The following DDOST variants were observed in gnomAD, a reference collection of about 807,000 sequenced individuals.
The protein encoded by DDOST is dolichyl-diphosphooligosaccharide--protein glycosyltransferase non-catalytic subunit, also known as dolichyl-diphosphooligosaccharide--protein glycosyltransferase 48 kDa subunit.
Under a neutral mutation model 47.6 loss-of-function variants are expected in DDOST, and 25 were observed. The ratio of observed to expected loss-of-function variants is 0.53; its 90% confidence interval spans 0.38 to 0.73. The LOEUF (loss-of-function observed/expected upper bound fraction) is 0.73, where lower values mean the gene tolerates loss of function less well. Among genes scored for constraint, DDOST ranks in the 30% least tolerant of loss-of-function variants. The pLI is 0.00. For synonymous variants in DDOST, 275 were observed against 236.0 expected (o/e 1.17, Z -1.51); for missense variants, 526 against 573.9 (o/e 0.92, Z 0.85).
At chr1:20,653,551 T>A in intron 8 of DDOST, 76 bp downstream of exon 8, 4 of 1,436,836 alleles carry the variant, frequency 2.8e-6, no homozygotes, top group Non-Finnish European at 2.8e-6. Context: ...CAAAGAAGTG[T>A]TCAATAAGTG....
chr1:20,660,843 C>T, intron 2 of DDOST, 38 bp downstream of exon 2: 2 of 1,252,232 alleles, frequency 1.6e-6, no homozygotes, highest in Non-Finnish European at 2.3e-6. Context: ...AGTCCCGGGT[C>T]TCGAATTCCA....
At chr1:20,661,117 G>A in intron 1 of DDOST, 80 bp downstream of exon 1, 2 of 1,527,416 alleles carry the variant, frequency 1.3e-6, no homozygotes, top group Non-Finnish European at 1.8e-6. Context: ...GAAAGGGAGA[G>A]GGAAGGAGAG....
intron 3 of DDOST, 30 bp from the exon 4 acceptor site, chr1:20,655,809 G>A: frequency 6.3e-7 from 1 of 1,587,664 alleles, no homozygotes. Context: ...ACCTAGCTGA[G>A]CCCTTACAGG....
Position 20,652,412 on chromosome 1 carries a change from G to A in DDOST, c.1287C>T (p.Phe429=). ...MLGLFIFSIV[F]LHMKEKEKSD is the part of the protein sequence containing the mutation. The stretch of plus-strand genomic sequence containing the variant: ...ACTTCTCCTTCTCCTTCATGTGCAA[G>A]AAGACGATGCTGAAGATGAAGAGCC... The change falls in exon 11 of 11, where the codon TTC becomes TTT. Residue 429 remains phenylalanine, a synonymous_variant. Transcript: ENST00000602624. The A allele has an allele frequency of 6.2e-7, 1 of 1,613,836 alleles. No homozygotes were observed. The highest frequency in any genetic ancestry group is 8.5e-7 in the Non-Finnish European group (1 of 1,179,902).
At chr1:20,653,096 C>A in intron 8 of DDOST, 125 bp from the exon 9 acceptor site, 1 of 1,191,158 alleles carries the variant, frequency 8.4e-7, no homozygotes, top group South Asian at 1.4e-5. Context: ...TTCAGAAGAC[C>A]TGCAGATGCC....
chr1:20,657,305 C>G (rs572383160), intron 2 of DDOST, among the ~76,000 whole-genome samples: 1 of 152,302 alleles, frequency 6.6e-6, no homozygotes, highest in Admixed American at 6.5e-5. Context: ...CCGTGGGGAG[C>G]CGCTGGACGA....
At chr1:20,656,579 T>G (rs2053376967) in intron 2 of DDOST, among the ~76,000 whole-genome samples, 1 of 152,216 alleles carries the variant, frequency 6.6e-6, no homozygotes, top group Admixed American at 6.5e-5. Flanking sequence ...TGGAGCCAGT[T>G]TCCAGAGCCT....
chr1:20,659,468 G>GA (rs1303977782), intron 2 of DDOST, among the ~76,000 whole-genome samples: 1 of 152,038 alleles, frequency 6.6e-6, no homozygotes, highest in African/African-American at 2.4e-5. Context: ...AAAACAGACT[G>GA]AAAAAACTCC....
chr1:20,652,384 C>T lies in DDOST; in HGVS notation c.1315G>A (p.Asp439Asn). Residue 439 changes from aspartate (D) to asparagine (N), a missense_variant, in exon 11 of 11, where the codon GAC (aspartate) becomes AAC (asparagine). By Grantham distance (23) the Asp-to-Asn change is conservative. Transcript: ENST00000602624. Reference sequence around the variant, plus strand: ...GCGGAGAGGGCTCTAGCCCCTCAGTCGGACTTCTCCTTCTCCTTCATGTGC... The same window carrying T: ...GCGGAGAGGGCTCTAGCCCCTCAGTTGGACTTCTCCTTCTCCTTCATGTGC... ...FLHMKEKEKSD is the reference protein window; with the variant it reads ...FLHMKEKEKSN The T allele has an allele frequency of 6.2e-7, 1 of 1,610,776 alleles. No homozygotes were observed. Among genetic ancestry groups the T allele is most frequent in the Non-Finnish European group, 8.5e-7 (1 of 1,178,538 alleles).
intron 2 of DDOST, among the ~76,000 whole-genome samples, chr1:20,656,402 T>A (rs747167556): frequency 6.6e-5 from 10 of 152,184 alleles, no homozygotes; most frequent in Non-Finnish European, 1.3e-4. Context: ...TGGCTCAGAA[T>A]TAGAAACTTC....
At position 20,652,463 on chromosome 1, in the gene DDOST, G is replaced by A. The variant is rs376894317; in HGVS notation, c.1236C>T (p.Tyr412=). The A allele has an allele frequency of 3.3e-5, 54 of 1,613,958 alleles. No homozygotes were observed. Among genetic ancestry groups the A allele is most frequent in the Admixed American group, 2.2e-4 (13 of 60,030 alleles). The change falls in exon 11 of 11, where the codon TAC becomes TAT. Residue 412 remains tyrosine (Y), a synonymous_variant. Transcript: ENST00000602624. ...ERFIPSAYPY[Y]ASAFSMMLGL... ...CCAGCATCATGGAGAAGGCGCTGGC[G>A]TAGTAGGGGTAGGCCGAGGGGATGA...
rs117238433 is a variant in DDOST, at chr1:20,661,022, G to A, written c.155-31C>T. ...CAAGAAAAAACAGGTAGTTGAGGAAGACGGGACGCGAAGGGAAACCCCTGC... is the reference window on the plus strand; with the variant it reads ...CAAGAAAAAACAGGTAGTTGAGGAAAACGGGACGCGAAGGGAAACCCCTGC... On this transcript the variant is annotated intron_variant, in intron 1 of 10. Transcript: ENST00000602624. 1.0e-3 allele frequency: 1,615 copies of A among 1,556,192 alleles called. 22 individuals carry two copies. In the East Asian group the frequency reaches 0.027, roughly 26 times the overall value.
intron 5 of DDOST, 113 bp from the exon 6 acceptor site, chr1:20,654,820 C>A: frequency 1.4e-6 from 1 of 705,090 alleles, no homozygotes. Context: ...TAATTGCCAA[C>A]CACTTAGCTC....
At chr1:20,660,063 A>T (rs781075707) in intron 2 of DDOST, among the ~76,000 whole-genome samples, 8 of 152,190 alleles carry the variant, frequency 5.3e-5, no homozygotes, top group Non-Finnish European at 1.2e-4. Context: ...AATGACTAAC[A>T]TGCTCACCAA....
intron 9 of DDOST, 26 bp from the exon 10 acceptor site, chr1:20,652,753 C>T (rs532699177): frequency 2.0e-5 from 32 of 1,613,844 alleles, no homozygotes; most frequent in East Asian, 1.3e-4. Context: ...CAAGAATAAC[C>T]GGGAGGGGTT....
At chr1:20,653,383 G>A (rs968578127) in intron 8 of DDOST, among the ~76,000 whole-genome samples, 12 of 152,156 alleles carry the variant, frequency 7.9e-5, no homozygotes, top group African/African-American at 2.9e-4. Context: ...AATCAGTGAA[G>A]CCCCTCCCAC....
intron 7 of DDOST, 70 bp from the exon 8 acceptor site, chr1:20,653,844 C>T: frequency 8.5e-6 from 13 of 1,534,452 alleles, no homozygotes; most frequent in Non-Finnish European, 1.2e-5. Flanking sequence ...TGGGCAGGAC[C>T]ACTCATGTCC....
In DDOST at chr1:20,660,637, G is replaced by A. The variant is rs566113573; in HGVS notation, c.265+244C>T. The A allele has an allele frequency of 2.0e-4, 79 of 404,052 alleles. 1 individual carries two copies. In the Middle Eastern group the frequency reaches 4.9e-3, roughly 25 times the overall value. 25.0% of individuals were successfully genotyped at this position (404,052 alleles called of 1,614,324 possible). ...AGTAAACTCCCTTCTCAGCAGAGCA[G>A]CAGGGCCCTGGGTTCCACGGTCTGC... On this transcript the variant is annotated intron_variant, in intron 2 of 10. Coordinates refer to ENST00000602624, the MANE Select transcript of DDOST (RefSeq NM_005216.5).
At chr1:20,655,903 T>C (rs2053367265) in intron 3 of DDOST, 124 bp from the exon 4 acceptor site, 1 of 902,380 alleles carries the variant, frequency 1.1e-6, no homozygotes, top group East Asian at 2.4e-5. Context: ...CCAGCTGGGC[T>C]CAGCCCCAGA....
Sources: allele counts gnomAD v4.1 joint callset (sites outside exome capture counted in the v4.1 genomes callset), GRCh38; gene constraint gnomAD v4.1.1; transcripts MANE v1.5; gene names NCBI Gene and HGNC (gene_info 2026-07-23, HGNC 2026-07-21).